The following CNTN5 variants were observed in gnomAD, a reference collection of about 807,000 sequenced individuals.
CNTN5 encodes the protein contactin-5.
Under a neutral mutation model 129.1 loss-of-function variants are expected in CNTN5, and 77 were observed. That is an observed-to-expected ratio of 0.60 (90% CI 0.50 to 0.72). The LOEUF (loss-of-function observed/expected upper bound fraction) is 0.72, where lower values mean the gene tolerates loss of function less well. CNTN5 is among the 30% of genes least tolerant of loss of function. CNTN5 has a pLI of 0.00. For missense variants in CNTN5, 1,478 were observed against 1,328.8 expected (o/e 1.11, Z -1.75); for synonymous variants, 509 against 465.6 (o/e 1.09, Z -1.20).
chr11:99,248,670 G>A (rs554086843), intron 1 of CNTN5, among the ~76,000 whole-genome samples: 1 of 152,212 alleles, frequency 6.6e-6, no homozygotes, highest in East Asian at 1.9e-4. Context: ...TCCAGTTTCA[G>A]CTTTTTACAT....
intron 3 of CNTN5, 96 bp from the exon 4 acceptor site, chr11:99,819,448 G>A (rs749249067): frequency 9.3e-5 from 96 of 1,034,470 alleles, no homozygotes; most frequent in Non-Finnish European, 1.3e-4. Context: ...CTCCAAAGAA[G>A]GTTTTTAGTA....
At chr11:100,035,509 T>C (rs1266410652) in intron 9 of CNTN5, among the ~76,000 whole-genome samples, 1 of 146,610 alleles carries the variant, frequency 6.8e-6, no homozygotes, top group Non-Finnish European at 1.5e-5. Context: ...CTGGGTCAAA[T>C]GGTATTTCTA....
intron 1 of CNTN5, among the ~76,000 whole-genome samples, chr11:99,287,781 A>G (rs915476051): frequency 1.3e-5 from 2 of 152,040 alleles, no homozygotes; most frequent in African/African-American, 4.8e-5. Flanking sequence ...GTATTCTAAT[A>G]TGACTAACTC....
intron 1 of CNTN5, among the ~76,000 whole-genome samples, chr11:99,098,851 T>C (rs1866593333): frequency 6.6e-6 from 1 of 152,138 alleles, no homozygotes; most frequent in Non-Finnish European, 1.5e-5. Context: ...ACCAACTTGA[T>C]TTTTTCTGCT....
intron 6 of CNTN5, among the ~76,000 whole-genome samples, chr11:99,904,017 C>G (rs944151154): frequency 2.0e-5 from 3 of 152,046 alleles, no homozygotes; most frequent in Admixed American, 1.3e-4. Context: ...ATAACAGATG[C>G]TGGTGAGGAT....
chr11:99,237,029 T>C (rs1861305425), intron 1 of CNTN5, among the ~76,000 whole-genome samples: 1 of 152,150 alleles, frequency 6.6e-6, no homozygotes, highest in South Asian at 2.1e-4. Context: ...TTCTACTTGG[T>C]TATTAGTGAT....
At chr11:99,305,553 T>TG (rs1406698986) in intron 1 of CNTN5, among the ~76,000 whole-genome samples, 3 of 152,188 alleles carry the variant, frequency 2.0e-5, no homozygotes, top group East Asian at 1.9e-4. Flanking sequence ...TTCAGATAAC[T>TG]GCAAAAAAAC....
At chr11:99,850,175 T>C (rs1947827642) in intron 6 of CNTN5, among the ~76,000 whole-genome samples, 2 of 152,246 alleles carry the variant, frequency 1.3e-5, no homozygotes, top group East Asian at 1.9e-4. Flanking sequence ...TTTGGGCTTA[T>C]AGTAATTTTG....
chr11:99,916,655 G>C (rs1008140354), intron 7 of CNTN5, among the ~76,000 whole-genome samples: 4 of 152,074 alleles, frequency 2.6e-5, no homozygotes, highest in African/African-American at 9.7e-5. Context: ...TTGAGGTCTT[G>C]TTTGTAAAAG....
At chr11:99,905,473 G>A (rs1378315498) in intron 6 of CNTN5, among the ~76,000 whole-genome samples, 3 of 152,024 alleles carry the variant, frequency 2.0e-5, no homozygotes, top group Admixed American at 6.6e-5. Flanking sequence ...TATAATTGAG[G>A]CCTCTGTTGT....
intron 3 of CNTN5, among the ~76,000 whole-genome samples, chr11:99,568,138 T>C (rs1056632410): frequency 6.6e-6 from 1 of 152,338 alleles, no homozygotes; most frequent in Admixed American, 6.5e-5. Context: ...CCTTGAGTAT[T>C]GGCTAAGGAG....
intron 6 of CNTN5, among the ~76,000 whole-genome samples, chr11:99,849,261 C>G (rs1211521015): frequency 2.6e-5 from 4 of 151,332 alleles, no homozygotes; most frequent in African/African-American, 9.7e-5. Flanking sequence ...AGTTTTCTTT[C>G]TTTTGCATGA....
At chr11:100,281,290 T>A (rs1048568752) in intron 18 of CNTN5, among the ~76,000 whole-genome samples, 17 of 152,158 alleles carry the variant, frequency 1.1e-4, no homozygotes, top group African/African-American at 3.4e-4. Context: ...GTTGATGAAA[T>A]CCCTCAGCTT....
At chr11:99,950,464 G>C (rs1950647353) in intron 7 of CNTN5, among the ~76,000 whole-genome samples, 1 of 152,152 alleles carries the variant, frequency 6.6e-6, no homozygotes, top group Non-Finnish European at 1.5e-5. Flanking sequence ...CTGGGTGACA[G>C]AGCGAGACTC....
rs894334886 is a variant in CNTN5, at chr11:100,286,929, A to C, written c.2315-10696A>C. On this transcript the variant is annotated intron_variant, in intron 18 of 24. Coordinates refer to ENST00000524871, the MANE Select transcript of CNTN5 (RefSeq NM_014361.4). ...TGCTTAAAGGAGCTGATGGAGCTGA[A>C]AACCAAAGCTCGAGAACTACGTGAA... 5.3e-3 allele frequency among the ~76,000 whole-genome samples: 806 copies of C among 152,286 alleles called. 12 individuals are homozygous for C. The highest frequency in any genetic ancestry group is 0.018 in the African/African-American group (756 of 41,534).
intron 6 of CNTN5, among the ~76,000 whole-genome samples, chr11:99,903,715 T>G (rs1402697603): frequency 1.3e-5 from 2 of 152,154 alleles, no homozygotes; most frequent in Non-Finnish European, 2.9e-5. Flanking sequence ...CTATGGTAGT[T>G]TCCAAGAAAC....
At chr11:99,865,904 T>A (rs1008799435) in intron 6 of CNTN5, among the ~76,000 whole-genome samples, 1 of 152,162 alleles carries the variant, frequency 6.6e-6, no homozygotes, top group South Asian at 2.1e-4. Flanking sequence ...GGATTCAAGT[T>A]TTTTAGTTTT....
intron 6 of CNTN5, among the ~76,000 whole-genome samples, chr11:99,897,154 A>T (rs1949227733): frequency 6.6e-6 from 1 of 152,198 alleles, no homozygotes. Flanking sequence ...GAAATAAGAG[A>T]TTATGTAATG....
chr11:99,588,766 G>A (rs962356533), intron 3 of CNTN5, among the ~76,000 whole-genome samples: 6 of 151,970 alleles, frequency 3.9e-5, no homozygotes, highest in Non-Finnish European at 5.9e-5. Context: ...GGTGGCAACC[G>A]TGTCAATATG....
Sources: gnomAD v4.1 joint callset for allele counts (sites outside exome capture counted in the v4.1 genomes callset) on GRCh38, gnomAD v4.1.1 for gene constraint, MANE v1.5 for transcripts, NCBI Gene and HGNC (gene_info 2026-07-23, HGNC 2026-07-21) for gene names.